Variants in CBL observed in about 807,000 individuals in gnomAD.
CBL encodes the protein Cbl proto-oncogene.
Under a neutral mutation model 96.9 loss-of-function variants are expected in CBL, and 45 were observed. The observed-to-expected ratio is 0.46, with a 90% CI of 0.37 to 0.60. The LOEUF (loss-of-function observed/expected upper bound fraction) is 0.60, where lower values mean the gene tolerates loss of function less well. CBL is among the 20% of genes least tolerant of loss of function. The pLI, the probability that CBL is intolerant of heterozygous loss-of-function variation, is 0.00. For missense variants in CBL, 1,024 were observed against 1,143.5 expected, an observed-to-expected ratio of 0.90 and a Z score of 1.51; for synonymous variants, 420 against 426.8, an observed-to-expected ratio of 0.98 and a Z score of 0.20.
At chr11:119,241,378 G>A (rs1949585585) in intron 2 of CBL, among the ~76,000 whole-genome samples, 1 of 152,152 alleles carries the variant, frequency 6.6e-6, no homozygotes, top group Non-Finnish European at 1.5e-5. Flanking sequence ...TGTGCAAGTA[G>A]GATTAAGCTT....
At chr11:119,275,077 T>TA in intron 5 of CBL, 124 bp downstream of exon 5, 1 of 948,706 alleles carries the variant, frequency 1.1e-6, no homozygotes, top group South Asian at 1.3e-5. Context: ...ATAGGATTGA[T>TA]ACCTGTTTAT....
At chr11:119,243,724 C>G (rs1207069954) in intron 2 of CBL, among the ~76,000 whole-genome samples, 1 of 151,396 alleles carries the variant, frequency 6.6e-6, no homozygotes, top group Non-Finnish European at 1.5e-5. Flanking sequence ...TGCAATTGAT[C>G]AAAAAACTTT....
chr11:119,291,601 A>T (rs528274720), intron 12 of CBL, among the ~76,000 whole-genome samples: 5 of 152,312 alleles, frequency 3.3e-5, no homozygotes, highest in African/African-American at 1.2e-4. Context: ...CTAGCTGCTC[A>T]GGAGGCTGAA....
At chr11:119,225,421 CAG>C (rs754609803) in intron 1 of CBL, among the ~76,000 whole-genome samples, 56 of 151,910 alleles carry the variant, frequency 3.7e-4, no homozygotes, top group Non-Finnish European at 7.2e-4. Flanking sequence ...TGTTTGGAGA[CAG>C]GGTCTCATTC....
At position 119,301,778 on chromosome 11, in the gene CBL, C is replaced by T. The variant is rs1329438994; in HGVS notation, c.*1997C>T. The stretch of plus-strand genomic sequence containing the variant: ...GGTAGAGTGGGGCAGAGGAAGATGG[C>T]AGTGAATATCAAACAGTAGACCGCC... On this transcript the variant is annotated 3_prime_UTR_variant, in exon 16 of 16. Coordinates refer to ENST00000264033, the MANE Select transcript of CBL (RefSeq NM_005188.4). 2 of 233,096 alleles carry T rather than the reference C, an allele frequency of 8.6e-6. No homozygotes were observed. The highest frequency in any genetic ancestry group is 6.0e-5 in the East Asian group (1 of 16,604). 14.4% of individuals were successfully genotyped at this position (233,096 alleles called of 1,614,324 possible). A position where few individuals can be genotyped will look rare whatever the true frequency, so the allele number is the denominator to read the frequency against.
At chr11:119,223,965 A>G (rs1041800164) in intron 1 of CBL, among the ~76,000 whole-genome samples, 2 of 152,108 alleles carry the variant, frequency 1.3e-5, no homozygotes, top group Non-Finnish European at 2.9e-5. Flanking sequence ...ATGAAGAAAA[A>G]AGAGTACCTA....
At chr11:119,283,618 A>ATTCT (rs763542475) in intron 9 of CBL, among the ~76,000 whole-genome samples, 140 of 98,000 alleles carry the variant, frequency 1.4e-3, no homozygotes, top group African/African-American at 4.9e-3. Context: ...ATCCTTTTTA[A>ATTCT]TTCTTTCTTT....
intron 2 of CBL, among the ~76,000 whole-genome samples, chr11:119,238,213 C>A (rs1173388256): frequency 6.7e-6 from 1 of 148,228 alleles, no homozygotes; most frequent in Non-Finnish European, 1.5e-5. Flanking sequence ...TCAATTTGAT[C>A]CCAAATACAA....
At chr11:119,221,195 A>G (rs541655168) in intron 1 of CBL, among the ~76,000 whole-genome samples, 6 of 151,748 alleles carry the variant, frequency 4.0e-5, no homozygotes, top group Non-Finnish European at 7.4e-5. Flanking sequence ...GTGAGCTGAC[A>G]TCACACCACT....
rs542451540 is a variant in CBL at position 119,235,595 on chromosome 11, G to A, written c.443+2900G>A. Among the ~76,000 whole-genome samples, 94 of 152,234 alleles carry A rather than the reference G, an allele frequency of 6.2e-4. No homozygotes were observed. In the South Asian group the frequency reaches 0.018, roughly 29 times the overall value. Reference sequence around the variant, plus strand: ...AAATTCCAGTACTGGTTTTTCTGTGGTAGAGGCAGAATAGGTGGAGGGGGT... The same window carrying A: ...AAATTCCAGTACTGGTTTTTCTGTGATAGAGGCAGAATAGGTGGAGGGGGT... On this transcript the variant is annotated intron_variant, in intron 2 of 15. Coordinates refer to ENST00000264033, the MANE Select transcript of CBL (RefSeq NM_005188.4).
At chr11:119,252,894 A>AC (rs1327500276) in intron 2 of CBL, among the ~76,000 whole-genome samples, 3 of 151,814 alleles carry the variant, frequency 2.0e-5, no homozygotes, top group African/African-American at 7.3e-5. Flanking sequence ...GAAAAAAAAA[A>AC]AAAAAAGATT....
intron 1 of CBL, among the ~76,000 whole-genome samples, chr11:119,215,932 A>G (rs974164144): frequency 6.6e-6 from 1 of 152,242 alleles, no homozygotes; most frequent in Admixed American, 6.5e-5. Context: ...AGGTAGGAGT[A>G]GGCACCTGGA....
chr11:119,298,579 A>T, intron 15 of CBL, 39 bp downstream of exon 15: 6 of 1,558,532 alleles, frequency 3.8e-6, no homozygotes, highest in Non-Finnish European at 5.3e-6. Flanking sequence ...CCTGAATGGC[A>T]GTGTGGCCTG....
rs2135303846 is a variant in CBL, at chr11:119,278,265, C to G, written c.1195C>G (p.Leu399Val). Residue 399 changes from leucine (L) to valine (V), a missense_variant, in exon 8 of 16, where the codon CTC (leucine) becomes GTC (valine). Physicochemically the swap from Leu to Val is conservative, Grantham distance 32. Around this residue, in one of 4 missense-constraint regions of CBL, gnomAD observed 695 missense variants for 661.6 expected, o/e 1.05. Transcript: ENST00000264033. The stretch of plus-strand genomic sequence containing the variant: ...TGTAAAGATTGAGCCCTGTGGACAC[C>G]TCATGTGCACATCCTGTCTTACATC... The part of the protein sequence containing the change: ...KDVKIEPCGH[L>V]MCTSCLTSWQ... The G allele has an allele frequency of 6.2e-7, 1 of 1,613,582 alleles. No homozygotes were observed. The highest frequency in any genetic ancestry group is 8.5e-7 in the Non-Finnish European group (1 of 1,179,574).
At chr11:119,289,826 T>G (rs1950012299) in intron 12 of CBL, 1 of 152,186 alleles carries the variant, frequency 6.6e-6, no homozygotes, top group Non-Finnish European at 1.5e-5. Context: ...CACTGCAGCC[T>G]CAACATACTG....
At chr11:119,287,733 G>GGGCA in intron 11 of CBL, 119 bp from the exon 12 acceptor site, 1 of 738,102 alleles carries the variant, frequency 1.4e-6, no homozygotes, top group Non-Finnish European at 2.5e-6. Context: ...GATAACCCCT[G>GGGCA]GGCATGGCAT....
intron 2 of CBL, among the ~76,000 whole-genome samples, chr11:119,235,120 T>C (rs1949533535): frequency 6.6e-6 from 1 of 152,138 alleles, no homozygotes; most frequent in Non-Finnish European, 1.5e-5. Flanking sequence ...TTCTATTTTT[T>C]TTCTTTTTTT....
chr11:119,228,278 T>A (rs1949474593), intron 1 of CBL, among the ~76,000 whole-genome samples: 1 of 152,178 alleles, frequency 6.6e-6, no homozygotes, highest in Admixed American at 6.6e-5. Context: ...TACTTAATGT[T>A]TTTTTATATG....
intron 1 of CBL, among the ~76,000 whole-genome samples, chr11:119,223,005 A>G (rs559876920): frequency 1.3e-5 from 2 of 151,954 alleles, no homozygotes; most frequent in East Asian, 1.9e-4. Context: ...GTGAGGCCCT[A>G]TCGCTGCAAA....
Sources: allele counts gnomAD v4.1 joint callset (sites outside exome capture counted in the v4.1 genomes callset), GRCh38; gene constraint gnomAD v4.1.1; regional missense constraint gnomAD v4.1.1; transcripts MANE v1.5; gene names NCBI Gene and HGNC (gene_info 2026-07-23, HGNC 2026-07-21).